The following FRMD4B variants were observed in gnomAD, a reference collection of about 807,000 sequenced individuals.
FRMD4B encodes the protein FERM domain containing 4B, also known as FERM domain-containing protein 4B.
FRMD4B carries 74 observed loss-of-function variants against 141.5 expected under a neutral mutation model. That is an observed-to-expected ratio of 0.52 (90% CI 0.43 to 0.63). The LOEUF is 0.63. FRMD4B is among the 30% of genes least tolerant of loss of function. FRMD4B has a pLI of 0.00. For missense variants in FRMD4B, 1,366 were observed against 1,253.4 expected (o/e 1.09, Z -1.36); for synonymous variants, 506 against 467.9 (o/e 1.08, Z -1.05).
intron 22 of FRMD4B, among the ~76,000 whole-genome samples, chr3:69,174,320 G>A (rs1226524956): frequency 6.6e-6 from 1 of 152,084 alleles, no homozygotes; most frequent in Non-Finnish European, 1.5e-5. Flanking sequence ...ATGGGAACAT[G>A]GTTATGTTAT....
chr3:69,275,813 T>G (rs2093615407), intron 5 of FRMD4B, among the ~76,000 whole-genome samples: 1 of 152,156 alleles, frequency 6.6e-6, no homozygotes, highest in Non-Finnish European at 1.5e-5. Flanking sequence ...GATTTAAAAC[T>G]AATTCAAGCT....
chr3:69,387,054 G>T (rs1041075867), upstream of FRMD4B, among the ~76,000 whole-genome samples: 1 of 152,066 alleles, frequency 6.6e-6, no homozygotes, highest in Admixed American at 6.6e-5. Flanking sequence ...ATTTATTAAA[G>T]TTTTCCCTCG....
At chr3:69,199,373 T>C (rs2092944280) in intron 11 of FRMD4B, 2 of 152,254 alleles carry the variant, frequency 1.3e-5, no homozygotes, top group Admixed American at 1.3e-4. Flanking sequence ...CTCAACTATA[T>C]AATAAGGAAA....
intron 1 of FRMD4B, among the ~76,000 whole-genome samples, chr3:69,493,606 A>G (rs1706337768): frequency 6.6e-6 from 1 of 152,134 alleles, no homozygotes; most frequent in Non-Finnish European, 1.5e-5. Flanking sequence ...TCTCTACACC[A>G]GCACTCCATT....
At chr3:69,260,379 G>A (rs35859177) in intron 5 of FRMD4B, among the ~76,000 whole-genome samples, 27,851 of 152,234 alleles carry the variant, frequency 0.18, 2,945 homozygotes, top group East Asian at 0.38. Context: ...GCGGCTGGTC[G>A]TCGCCGCCAG....
At chr3:69,341,844 G>C (rs912427919) in intron 1 of FRMD4B, among the ~76,000 whole-genome samples, 1 of 152,202 alleles carries the variant, frequency 6.6e-6, no homozygotes, top group Non-Finnish European at 1.5e-5. Flanking sequence ...ACCAAATTGA[G>C]TGCCAGCCCC....
At chr3:69,525,403 A>T (rs934871348) in intron 1 of FRMD4B, among the ~76,000 whole-genome samples, 11 of 152,052 alleles carry the variant, frequency 7.2e-5, no homozygotes, top group African/African-American at 2.7e-4. Context: ...TTTTGATGGT[A>T]CCTCAGAGGG....
At chr3:69,338,188 T>C (rs1032959366) in intron 1 of FRMD4B, among the ~76,000 whole-genome samples, 1 of 152,178 alleles carries the variant, frequency 6.6e-6, no homozygotes, top group African/African-American at 2.4e-5. Flanking sequence ...ACCATCATTC[T>C]GAGCAAACTA....
chr3:69,321,843 T>C (rs1702010136), intron 1 of FRMD4B, among the ~76,000 whole-genome samples: 1 of 152,124 alleles, frequency 6.6e-6, no homozygotes, highest in South Asian at 2.1e-4. Context: ...GCCTCCCGAA[T>C]AGCTGGGACT....
intron 2 of FRMD4B, among the ~76,000 whole-genome samples, chr3:69,423,160 A>G (rs1429978539): frequency 1.3e-5 from 2 of 152,102 alleles, no homozygotes; most frequent in East Asian, 3.9e-4. Context: ...TACTTTTTTG[A>G]AAAATAGAGA....
At chr3:69,534,596 A>G (rs1409349049) in intron 1 of FRMD4B, among the ~76,000 whole-genome samples, 2 of 152,218 alleles carry the variant, frequency 1.3e-5, no homozygotes, top group Non-Finnish European at 2.9e-5. Flanking sequence ...TGGGAGGCTG[A>G]AAACCTGGGT....
At chr3:69,270,023 C>CT (rs576512448) in intron 5 of FRMD4B, among the ~76,000 whole-genome samples, 106 of 144,822 alleles carry the variant, frequency 7.3e-4, no homozygotes, top group African/African-American at 1.9e-3. Context: ...TTCTTTCTTT[C>CT]TTTTTTTTTT....
At chr3:69,196,758 AC>A (rs1357656296) in intron 13 of FRMD4B, 141 bp downstream of exon 13, 27 of 655,846 alleles carry the variant, frequency 4.1e-5, no homozygotes, top group Non-Finnish European at 6.2e-5. Context: ...CATATAAAAA[AC>A]CTGAAATAGT....
intron 11 of FRMD4B, among the ~76,000 whole-genome samples, chr3:69,202,071 C>T (rs778819445): frequency 1.3e-5 from 2 of 151,962 alleles, no homozygotes; most frequent in Non-Finnish European, 2.9e-5. Flanking sequence ...GGGTATGGTG[C>T]GAGAGTCTAT....
intron 11 of FRMD4B, among the ~76,000 whole-genome samples, chr3:69,204,783 G>A (rs2107683413): frequency 6.6e-6 from 1 of 152,248 alleles, no homozygotes; most frequent in East Asian, 1.9e-4. Context: ...CATAAACTAA[G>A]CGCTCAGCTG....
At chr3:69,194,090 G>C (rs1268550870) in intron 16 of FRMD4B, among the ~76,000 whole-genome samples, 2 of 152,212 alleles carry the variant, frequency 1.3e-5, no homozygotes, top group Non-Finnish European at 2.9e-5. Flanking sequence ...CCTTTTCAAG[G>C]AAGGGAATGG....
intron 1 of FRMD4B, among the ~76,000 whole-genome samples, chr3:69,503,332 A>G (rs895930471): frequency 1.3e-5 from 2 of 152,130 alleles, no homozygotes; most frequent in African/African-American, 4.8e-5. Flanking sequence ...TGGCACATAT[A>G]TACCATGGAA....
chr3:69,277,516 C>CT lies in FRMD4B; in HGVS notation c.501+10235dup, dbSNP rs55745266. ...ACAGCATTTTCTTGCTTTCTTTCTG[C>CT]TTTTTTTTTTTTTTTTTTTTTTTTT... On this transcript the variant is annotated intron_variant, in intron 5 of 22. Transcript: ENST00000398540. 1.3e-3 allele frequency among the ~76,000 whole-genome samples: 80 copies of CT among 60,490 alleles called. 11 individuals carry two copies. The highest frequency in any genetic ancestry group is 5.4e-3 in the African/African-American group (75 of 14,012). 39.7% of individuals were successfully genotyped at this position (60,490 alleles called of 152,430 possible).
chr3:69,373,247 C>G (rs1703878994), intron 1 of FRMD4B, among the ~76,000 whole-genome samples: 1 of 152,188 alleles, frequency 6.6e-6, no homozygotes, highest in Admixed American at 6.5e-5. Flanking sequence ...TCAAATCCAG[C>G]TATGTTTACA....
Sources: allele counts gnomAD v4.1 joint callset (sites outside exome capture counted in the v4.1 genomes callset), GRCh38; gene constraint gnomAD v4.1.1; transcripts MANE v1.5; gene names NCBI Gene and HGNC (gene_info 2026-07-23, HGNC 2026-07-21).